The following ZNF609 variants were observed in gnomAD, a reference collection of about 807,000 sequenced individuals.
The protein encoded by ZNF609 is zinc finger protein 609.
Under a neutral mutation model 109.5 loss-of-function variants are expected in ZNF609, and 11 were observed. That is an observed-to-expected ratio of 0.10 (90% CI 0.06 to 0.17). The LOEUF (loss-of-function observed/expected upper bound fraction) is 0.17, where lower values mean the gene tolerates loss of function less well. ZNF609 is among the 10% of genes least tolerant of loss of function. The pLI, the probability that ZNF609 is intolerant of heterozygous loss-of-function variation, is 1.00. For synonymous variants in ZNF609, 646 were observed against 662.0 expected (o/e 0.98, Z 0.37); for missense variants, 1,559 against 1,772.4 (o/e 0.88, Z 2.16).
intron 2 of ZNF609, among the ~76,000 whole-genome samples, chr15:64,519,410 A>G (rs1014596210): frequency 3.9e-5 from 6 of 152,202 alleles, no homozygotes; most frequent in Non-Finnish European, 8.8e-5. Context: ...GTCACTGAGG[A>G]ACACCAAGAA....
intron 2 of ZNF609, among the ~76,000 whole-genome samples, chr15:64,606,855 A>G (rs956850867): frequency 6.6e-6 from 1 of 151,662 alleles, no homozygotes; most frequent in Middle Eastern, 3.4e-3. Context: ...AAAATTAGCC[A>G]GGCATGGGCT....
chr15:64,597,797 A>G (rs1009344707), intron 2 of ZNF609, among the ~76,000 whole-genome samples: 47 of 152,258 alleles, frequency 3.1e-4, no homozygotes, highest in African/African-American at 1.1e-3. Flanking sequence ...TCCCCAGCTC[A>G]CAGGACCACC....
intron 2 of ZNF609, among the ~76,000 whole-genome samples, chr15:64,576,949 C>CATATATGTATATATATACATAAATAT: frequency 1.9e-5 from 1 of 52,190 alleles, no homozygotes; most frequent in Non-Finnish European, 4.6e-5. Flanking sequence ...TAAATATATA[C>CATATATGTATATATATACATAAATAT]ATATATGTAT....
chr15:64,541,426 CAAAAA>C (rs34461479), intron 2 of ZNF609, among the ~76,000 whole-genome samples: 1 of 67,822 alleles, frequency 1.5e-5, no homozygotes. Flanking sequence ...GACTCCGTCT[CAAAAA>C]AAAAAAAAAA....
intron 2 of ZNF609, among the ~76,000 whole-genome samples, chr15:64,575,318 G>A (rs574293707): frequency 1.3e-5 from 2 of 152,204 alleles, no homozygotes; most frequent in East Asian, 3.9e-4. Flanking sequence ...CAGCTACTCA[G>A]GAGGCTGAGG....
chr15:64,606,719 A>G (rs1895608520), intron 2 of ZNF609, among the ~76,000 whole-genome samples: 1 of 152,080 alleles, frequency 6.6e-6, no homozygotes, highest in South Asian at 2.1e-4. Context: ...CAAGATCAGC[A>G]TTTATAGTTT....
At chr15:64,637,540 A>T (rs1199793681) in intron 3 of ZNF609, among the ~76,000 whole-genome samples, 1 of 152,168 alleles carries the variant, frequency 6.6e-6, no homozygotes, top group Non-Finnish European at 1.5e-5. Context: ...TGTTCTAGCC[A>T]ACACTTGACC....
chr15:64,581,768 T>C lies in ZNF609; in HGVS notation c.748-41059T>C, dbSNP rs140261154. On this transcript the variant is annotated intron_variant, in intron 2 of 9. Transcript: ENST00000326648. ...CAAAGCTCAATGTTTCTTACTGATATTCAGGCGTTTTGCTTGAATAAATGC... is the reference window on the plus strand; with the variant it reads ...CAAAGCTCAATGTTTCTTACTGATACTCAGGCGTTTTGCTTGAATAAATGC... 1.9e-4 allele frequency among the ~76,000 whole-genome samples: 29 copies of C among 152,324 alleles called. No homozygotes were observed. The East Asian group carries it at 5.4e-3, about 28-fold the overall frequency.
At chr15:64,467,795 A>G (rs1256878003) in intron 1 of ZNF609, among the ~76,000 whole-genome samples, 1 of 152,212 alleles carries the variant, frequency 6.6e-6, no homozygotes, top group African/African-American at 2.4e-5. Flanking sequence ...CAGTGAGTGG[A>G]GATCGTGCCA....
chr15:64,495,811 T>G (rs1893474086), intron 1 of ZNF609, among the ~76,000 whole-genome samples: 1 of 151,608 alleles, frequency 6.6e-6, no homozygotes, highest in Non-Finnish European at 1.5e-5. Context: ...ATTTTCATTT[T>G]AACCTGTTAT....
intron 3 of ZNF609, among the ~76,000 whole-genome samples, chr15:64,636,929 T>C (rs1195204237): frequency 1.3e-5 from 2 of 152,246 alleles, no homozygotes; most frequent in African/African-American, 4.8e-5. Context: ...GAAAATAATA[T>C]AAACATGTAC....
chr15:64,652,022 C>T (rs1237605351), intron 3 of ZNF609, among the ~76,000 whole-genome samples: 1 of 151,978 alleles, frequency 6.6e-6, no homozygotes, highest in Non-Finnish European at 1.5e-5. Context: ...CCTGAGAGCC[C>T]AGTTTACATT....
At chr15:64,583,002 C>T (rs1329757502) in intron 2 of ZNF609, among the ~76,000 whole-genome samples, 3 of 151,116 alleles carry the variant, frequency 2.0e-5, no homozygotes, top group South Asian at 2.1e-4. Flanking sequence ...TCACCTGCCT[C>T]GGCCTTCCAA....
intron 3 of ZNF609, among the ~76,000 whole-genome samples, chr15:64,648,695 C>A (rs975140300): frequency 8.2e-6 from 1 of 121,530 alleles, no homozygotes; most frequent in African/African-American, 3.2e-5. Flanking sequence ...TGTTAAAGCA[C>A]AATAAGTTGT....
intron 4 of ZNF609, among the ~76,000 whole-genome samples, chr15:64,672,270 C>T (rs1422178802): frequency 3.3e-5 from 5 of 149,624 alleles, no homozygotes; most frequent in East Asian, 4.1e-4. Flanking sequence ...CCTCGGCCTC[C>T]CAAAGAGCTG....
intron 3 of ZNF609, among the ~76,000 whole-genome samples, chr15:64,661,883 T>C (rs1231730492): frequency 6.6e-6 from 1 of 152,214 alleles, no homozygotes; most frequent in Non-Finnish European, 1.5e-5. Flanking sequence ...CTACCTAGGG[T>C]AGACATTATT....
chr15:64,558,748 T>A (rs970736236), intron 2 of ZNF609, among the ~76,000 whole-genome samples: 7 of 152,240 alleles, frequency 4.6e-5, no homozygotes, highest in African/African-American at 1.7e-4. Context: ...GTCTAGCACA[T>A]ACATACAGTT....
chr15:64,597,548 C>A (rs1018962804), intron 2 of ZNF609, among the ~76,000 whole-genome samples: 1 of 152,280 alleles, frequency 6.6e-6, no homozygotes, highest in South Asian at 2.1e-4. Context: ...TAAGCAGCAG[C>A]GGCAGTTTTC....
intron 3 of ZNF609, among the ~76,000 whole-genome samples, chr15:64,636,055 C>T (rs1354917407): frequency 6.6e-6 from 1 of 152,156 alleles, no homozygotes; most frequent in East Asian, 1.9e-4. Context: ...GGCAGCATTG[C>T]TAAGTGGCCT....
Sources: allele counts gnomAD v4.1 joint callset (sites outside exome capture counted in the v4.1 genomes callset), GRCh38; gene constraint gnomAD v4.1.1; transcripts MANE v1.5; gene names NCBI Gene and HGNC (gene_info 2026-07-23, HGNC 2026-07-21).